NREP: variants seen among roughly 807,000 people sequenced by gnomAD.
NREP encodes the protein neuronal regeneration-related protein.
Under a neutral mutation model 8.6 loss-of-function variants are expected in NREP, and 5 were observed. The observed-to-expected ratio is 0.58, with a 90% CI of 0.30 to 1.22. NREP has a LOEUF of 1.22. Ranked by LOEUF, NREP falls within the 50% of genes most tolerant of loss-of-function variation. The pLI is 0.07. For synonymous variants in NREP, 27 were observed against 28.0 expected (o/e 0.96, Z 0.11); for missense variants, 86 against 82.5 (o/e 1.04, Z -0.17).
intron 2 of NREP, among the ~76,000 whole-genome samples, chr5:111,886,021 C>G (rs930970715): frequency 1.1e-4 from 16 of 152,316 alleles, no homozygotes; most frequent in Non-Finnish European, 2.1e-4. Context: ...AAACTACCAT[C>G]AGAGTGAACA....
At chr5:111,962,662 T>A (rs867539250) in intron 2 of NREP, among the ~76,000 whole-genome samples, 5 of 152,178 alleles carry the variant, frequency 3.3e-5, no homozygotes, top group African/African-American at 1.2e-4. Context: ...TGTCTTTTTG[T>A]TAATTGAATG....
intron 2 of NREP, among the ~76,000 whole-genome samples, chr5:111,777,022 G>C (rs1480575626): frequency 1.3e-5 from 2 of 150,536 alleles, no homozygotes; most frequent in African/African-American, 4.9e-5. Context: ...GGTGGAGGAG[G>C]AGGAGGAAGG....
At chr5:111,787,833 C>A (rs1435207533) in intron 2 of NREP, among the ~76,000 whole-genome samples, 1 of 152,174 alleles carries the variant, frequency 6.6e-6, no homozygotes, top group Non-Finnish European at 1.5e-5. Flanking sequence ...CATCGTGGCT[C>A]ATGCCTGTAA....
At chr5:111,951,825 T>A (rs1756167756) in intron 2 of NREP, among the ~76,000 whole-genome samples, 1 of 152,108 alleles carries the variant, frequency 6.6e-6, no homozygotes, top group Admixed American at 6.6e-5. Flanking sequence ...AGAGTTGTTA[T>A]AATGGTTTAT....
In NREP at chr5:111,815,612, G is replaced by A. The variant is rs371205465; in HGVS notation, c.136-80105C>T. 3.5e-3 allele frequency among the ~76,000 whole-genome samples: 537 copies of A among 151,782 alleles called. 2 individuals carry two copies. Among genetic ancestry groups the A allele is most frequent in the Non-Finnish European group, 6.0e-3 (410 of 67,898 alleles). On this transcript the variant is annotated intron_variant, in intron 2 of 3. Coordinates refer to the NREP transcript ENST00000395634. ...TATAAAACTGAAAAATACAATCACC[G>A]ATATAAAGAATTAAAATAAGACTCG... is the stretch of plus-strand genomic sequence containing the variant.
At chr5:111,840,197 G>A (rs1487136122) in intron 2 of NREP, among the ~76,000 whole-genome samples, 1 of 151,898 alleles carries the variant, frequency 6.6e-6, no homozygotes, top group African/African-American at 2.4e-5. Context: ...CTGCTGTTAG[G>A]GGTATATAAC....
intron 2 of NREP, among the ~76,000 whole-genome samples, chr5:111,890,780 G>T (rs1006198848): frequency 6.6e-6 from 1 of 152,190 alleles, no homozygotes. Flanking sequence ...GTCTCAGACT[G>T]GGTAAGGTAG....
intron 2 of NREP, among the ~76,000 whole-genome samples, chr5:111,850,161 C>G (rs1581164692): frequency 6.6e-6 from 1 of 152,308 alleles, no homozygotes; most frequent in East Asian, 1.9e-4. Context: ...AGCTTATAAT[C>G]TATCTACCCA....
intron 2 of NREP, among the ~76,000 whole-genome samples, chr5:111,740,836 A>G (rs1749584825): frequency 6.6e-6 from 1 of 152,180 alleles, no homozygotes. Flanking sequence ...AATTTGAATC[A>G]TATCTACTTA....
At chr5:111,922,736 G>A (rs990518963) in intron 2 of NREP, among the ~76,000 whole-genome samples, 1 of 152,206 alleles carries the variant, frequency 6.6e-6, no homozygotes, top group Non-Finnish European at 1.5e-5. Flanking sequence ...CCTTACACTG[G>A]TTGGAGGCTG....
chr5:111,782,388 G>A (rs1001741744), intron 2 of NREP, among the ~76,000 whole-genome samples: 1 of 152,164 alleles, frequency 6.6e-6, no homozygotes, highest in Non-Finnish European at 1.5e-5. Flanking sequence ...AAAAGGCATT[G>A]ATTCATCTCT....
intron 2 of NREP, among the ~76,000 whole-genome samples, chr5:111,955,314 T>C (rs1756279418): frequency 6.6e-6 from 1 of 152,036 alleles, no homozygotes; most frequent in African/African-American, 2.4e-5. Context: ...AAATGAGAAA[T>C]TTTATAAAAA....
chr5:111,785,345 C>G (rs1445781300), intron 2 of NREP, among the ~76,000 whole-genome samples: 1 of 152,054 alleles, frequency 6.6e-6, no homozygotes, highest in African/African-American at 2.4e-5. Context: ...GTGGTATGAT[C>G]TGGGCTCACT....
At chr5:111,913,140 C>T (rs1366531686) in intron 2 of NREP, among the ~76,000 whole-genome samples, 1 of 151,992 alleles carries the variant, frequency 6.6e-6, no homozygotes, top group Non-Finnish European at 1.5e-5. Context: ...CCATTTTTTA[C>T]AGTAAAGGCA....
At chr5:111,961,926 T>C (rs1192041845) in intron 2 of NREP, among the ~76,000 whole-genome samples, 1 of 152,222 alleles carries the variant, frequency 6.6e-6, no homozygotes, top group African/African-American at 2.4e-5. Flanking sequence ...AGAATGTCAG[T>C]GAGCAATTAG....
Position 111,768,577 on chromosome 5 carries a change from T to A in NREP, c.136-33070A>T, listed in dbSNP as rs144686455. Among the ~76,000 whole-genome samples the A allele has an allele frequency of 1.2e-4, 18 of 152,324 alleles. No individual in the cohort carries two copies. In the East Asian group the frequency reaches 3.5e-3, roughly 29 times the overall value. ...TTGCCATCTTTATGTCTATGAGTAC[T>A]GAATGTTTAGCTTCCACTTCTAAGT... On this transcript the variant is annotated intron_variant, in intron 2 of 3. Coordinates refer to the NREP transcript ENST00000395634.
At chr5:111,890,881 G>A (rs970765536) in intron 2 of NREP, among the ~76,000 whole-genome samples, 3 of 152,216 alleles carry the variant, frequency 2.0e-5, no homozygotes, top group African/African-American at 7.2e-5. Flanking sequence ...CCTCTGCAAT[G>A]CCTTTGAGGC....
At chr5:111,975,464 A>G (rs944216883) in intron 1 of NREP, 3 of 852,748 alleles carry the variant, frequency 3.5e-6, no homozygotes, top group African/African-American at 3.4e-5. Context: ...AGAGAGGAGG[A>G]GAATGGGCAT....
chr5:111,834,202 A>C (rs1170374398), intron 2 of NREP, among the ~76,000 whole-genome samples: 1 of 152,212 alleles, frequency 6.6e-6, no homozygotes, highest in East Asian at 1.9e-4. Flanking sequence ...ATCCTAACTC[A>C]GGAGTCTTAT....
Sources: allele counts gnomAD v4.1 joint callset (sites outside exome capture counted in the v4.1 genomes callset), GRCh38; gene constraint gnomAD v4.1.1; transcripts MANE v1.5; gene names NCBI Gene and HGNC (gene_info 2026-07-23, HGNC 2026-07-21).